Variants in ANKFY1 observed in about 807,000 individuals in gnomAD.
ANKFY1 encodes the protein ankyrin repeat and FYVE domain containing 1.
A neutral mutation model predicts 128.3 loss-of-function variants in ANKFY1; 47 were observed. The ratio of observed to expected loss-of-function variants is 0.37; its 90% CI spans 0.29 to 0.47. ANKFY1 has a LOEUF of 0.47. Ranked by LOEUF, ANKFY1 falls within the 20% of genes least tolerant of loss-of-function variation. The pLI is 1.00. For missense variants in ANKFY1, 1,222 were observed against 1,510.6 expected (o/e 0.81, Z 3.17); for synonymous variants, 553 against 601.6 (o/e 0.92, Z 1.18).
At chr17:4,176,091 A>G (rs900994466) in intron 19 of ANKFY1, among the ~76,000 whole-genome samples, 5 of 152,100 alleles carry the variant, frequency 3.3e-5, no homozygotes, top group African/African-American at 1.2e-4. Context: ...TCCTGGCACC[A>G]TCATACCCAC....
rs1968507868 is a variant in ANKFY1, at chr17:4,263,070, C to T, written c.10+862G>A. On this transcript the variant is annotated intron_variant, in intron 1 of 24. Transcript: ENST00000341657. ...GGGGTGAAGAGGAGAACCAGGCTGC[C>T]CAGATCCAACAATGTCCCTGCACGA... is the stretch of plus-strand genomic sequence containing the variant. Among the ~76,000 whole-genome samples the T allele has an allele frequency of 1.3e-5, 2 of 152,116 alleles. 1 individual carries two copies. Among genetic ancestry groups the T allele is most frequent in the South Asian group, 4.1e-4 (2 of 4,828 alleles).
intron 1 of ANKFY1, among the ~76,000 whole-genome samples, chr17:4,262,856 C>T (rs778485533): frequency 6.6e-6 from 1 of 152,156 alleles, no homozygotes; most frequent in Non-Finnish European, 1.5e-5. Context: ...GCCAGGCCTC[C>T]TTCACGAGGT....
At chr17:4,213,559 T>C (rs1439319857) in intron 4 of ANKFY1, among the ~76,000 whole-genome samples, 2 of 150,640 alleles carry the variant, frequency 1.3e-5, no homozygotes, top group Non-Finnish European at 3.0e-5. Flanking sequence ...CAGCATTATA[T>C]TTATTTCTTT....
intron 19 of ANKFY1, 122 bp from the exon 20 acceptor site, chr17:4,174,178 G>A (rs142701167): frequency 3.6e-5 from 43 of 1,210,524 alleles, no homozygotes; most frequent in Admixed American, 1.2e-4. Flanking sequence ...TGCTGACAGA[G>A]CTGGGAGCAT....
At chr17:4,262,923 T>C (rs970150503) in intron 1 of ANKFY1, among the ~76,000 whole-genome samples, 2 of 152,058 alleles carry the variant, frequency 1.3e-5, no homozygotes, top group African/African-American at 4.8e-5. Context: ...GCTGCCCAAA[T>C]CTAAGATCCA....
chr17:4,170,104 A>G (rs11651767), intron 23 of ANKFY1, among the ~76,000 whole-genome samples: 84,435 of 152,070 alleles, frequency 0.56, 25,953 homozygotes, highest in East Asian at 0.8. Context: ...ACCCGACTCC[A>G]CCACAGACCA....
At chr17:4,260,899 C>T (rs140933252) in intron 1 of ANKFY1, among the ~76,000 whole-genome samples, 167 of 152,224 alleles carry the variant, frequency 1.1e-3, no homozygotes, top group African/African-American at 1.9e-3. Flanking sequence ...AGGGAAGTTC[C>T]CATAGTGTGT....
rs1208793170 is a variant in ANKFY1, at chr17:4,181,027, T to G, written c.2240+227A>C. On this transcript the variant is annotated intron_variant, in intron 16 of 24. Coordinates refer to ENST00000341657, the MANE Select transcript of ANKFY1 (RefSeq NM_001330063.2). This position sits in a 1 kb window ranked among gnomAD's most constrained non-coding sequence, Gnocchi z 4.9. The stretch of plus-strand genomic sequence containing the variant: ...GCAGCTCCCAAAGCAGGACGCTGAC[T>G]CCAGCTTTCAGATTCTTTGATTCAG... 15 of 500,624 alleles carry G rather than the reference T, an allele frequency of 3.0e-5. No homozygotes were observed. The Admixed American group carries it at 4.4e-4, about 15-fold the overall frequency. The allele number at this position is 500,624 out of a possible 1,614,324, so 31.0% of individuals were successfully genotyped here. A position where few individuals can be genotyped will look rare whatever the true frequency, so the allele number is the denominator to read the frequency against.
chr17:4,190,327 G>A (rs2059695365), intron 10 of ANKFY1, among the ~76,000 whole-genome samples: 1 of 152,100 alleles, frequency 6.6e-6, no homozygotes, highest in African/African-American at 2.4e-5. Context: ...TGTAATCCCA[G>A]CTACTCGGGA....
chr17:4,255,972 C>CA (rs1206851452), intron 1 of ANKFY1, among the ~76,000 whole-genome samples: 2 of 152,158 alleles, frequency 1.3e-5, no homozygotes, highest in Non-Finnish European at 1.5e-5. Flanking sequence ...AGTGCACCAC[C>CA]AAGCCTGGCT....
chr17:4,228,503 G>C (rs1224018349), intron 3 of ANKFY1, among the ~76,000 whole-genome samples: 3 of 151,434 alleles, frequency 2.0e-5, no homozygotes, highest in Middle Eastern at 6.8e-3. Context: ...TGCAACCTCT[G>C]CCTCCCAGGT....
chr17:4,217,048 A>G lies in ANKFY1; in HGVS notation c.393T>C (p.Asp131=). ...TCATCAGTTCAGTCAGGAACACATC[A>G]TCCTCTCTGAACTCCAGCTCATCTG... is the stretch of plus-strand genomic sequence containing the variant. ...IYTDELEFRE[D]DVFLTELMKL... Residue 131 remains aspartate (D), a synonymous_variant, in exon 4 of 25, where the codon GAT becomes GAC. Coordinates refer to ENST00000341657, the MANE Select transcript of ANKFY1 (RefSeq NM_001330063.2). 6.2e-7 allele frequency: 1 copy of G among 1,614,088 alleles called. No homozygotes were observed. The highest frequency in any genetic ancestry group is 8.5e-7 in the Non-Finnish European group (1 of 1,180,020).
chr17:4,225,886 A>C (rs2060417258), intron 3 of ANKFY1, among the ~76,000 whole-genome samples: 1 of 151,936 alleles, frequency 6.6e-6, no homozygotes, highest in South Asian at 2.1e-4. Flanking sequence ...TCAACCTTCT[A>C]AGTAACTGGG....
At chr17:4,189,985 G>A (rs1023527033) in intron 10 of ANKFY1, among the ~76,000 whole-genome samples, 6 of 152,222 alleles carry the variant, frequency 3.9e-5, no homozygotes, top group African/African-American at 7.2e-5. Flanking sequence ...TGCCCAGGAC[G>A]GGAGGGAAGT....
At chr17:4,253,924 C>T (rs760907209) in intron 1 of ANKFY1, among the ~76,000 whole-genome samples, 5 of 152,214 alleles carry the variant, frequency 3.3e-5, no homozygotes, top group Middle Eastern at 3.4e-3. Context: ...GGAATGTTAC[C>T]TTATATGACA....
intron 6 of ANKFY1, among the ~76,000 whole-genome samples, chr17:4,207,200 C>CG (rs1567943960): frequency 6.6e-6 from 1 of 152,020 alleles, no homozygotes; most frequent in African/African-American, 2.4e-5. Flanking sequence ...ACAGAGGGCC[C>CG]GATCTATCTA....
chr17:4,260,642 A>AAAC (rs1968366981), intron 1 of ANKFY1, among the ~76,000 whole-genome samples: 1 of 139,298 alleles, frequency 7.2e-6, no homozygotes, highest in African/African-American at 2.6e-5. Context: ...AAAAAAAAAA[A>AAAC]CCCACAAATG....
In ANKFY1 at chr17:4,167,708, G is replaced by C; in HGVS notation, c.*71C>G. On this transcript the variant is annotated 3_prime_UTR_variant, in exon 25 of 25. Coordinates refer to ENST00000341657, the MANE Select transcript of ANKFY1 (RefSeq NM_001330063.2). The surrounding 1 kb of genome is among the most constrained non-coding windows in gnomAD (Gnocchi z 4.1). ...CCCGCCAGCTCCTGCTCTGGGTGGGGTCAGGCTGGTGAGCAGAGCAGCTGC... is the reference window on the plus strand; with the variant it reads ...CCCGCCAGCTCCTGCTCTGGGTGGGCTCAGGCTGGTGAGCAGAGCAGCTGC... 6.7e-7 allele frequency: 1 copy of C among 1,485,718 alleles called. No individual in the cohort carries two copies. Among genetic ancestry groups the C allele is most frequent in the Non-Finnish European group, 9.0e-7 (1 of 1,105,288 alleles). 92.0% of individuals were successfully genotyped at this position (1,485,718 alleles called of 1,614,324 possible). A position where few individuals can be genotyped will look rare whatever the true frequency, so the allele number is the denominator to read the frequency against.
At chr17:4,172,789 A>G (rs987105522) in intron 21 of ANKFY1, 109 bp from the exon 22 acceptor site, 5 of 1,411,298 alleles carry the variant, frequency 3.5e-6, no homozygotes, top group Non-Finnish European at 4.8e-6. Context: ...AAAAGACACA[A>G]AACAAGTCAC....
Sources: gnomAD v4.1 joint callset for allele counts (sites outside exome capture counted in the v4.1 genomes callset) on GRCh38, gnomAD v4.1.1 for gene constraint, Gnocchi (gnomAD v3.1) non-coding constraint, MANE v1.5 for transcripts, NCBI Gene and HGNC (gene_info 2026-07-23, HGNC 2026-07-21) for gene names.